Variants in PPM1E observed in about 807,000 individuals in gnomAD.
PPM1E encodes protein phosphatase 1E.
Under a neutral mutation model 65.9 loss-of-function variants are expected in PPM1E, and 20 were observed. The ratio of observed to expected loss-of-function variants is 0.30; its 90% CI spans 0.21 to 0.44. The LOEUF (loss-of-function observed/expected upper bound fraction) is 0.44, where lower values mean the gene tolerates loss of function less well. Among genes scored for constraint, PPM1E ranks in the 20% least tolerant of loss-of-function variants. PPM1E has a pLI of 1.00. For missense variants in PPM1E, 713 were observed against 953.1 expected (o/e 0.75, Z 3.32); for synonymous variants, 352 against 374.9 (o/e 0.94, Z 0.70).
chr17:58,783,531 G>A lies in PPM1E; in HGVS notation c.464+27070G>A, dbSNP rs139382036. Among the ~76,000 whole-genome samples the A allele has an allele frequency of 7.8e-4, 119 of 152,218 alleles. 1 individual carries two copies. The highest frequency in any genetic ancestry group is 2.6e-3 in the African/African-American group (106 of 41,528). Reference sequence around the variant, plus strand: ...AGGTACTACCTTTGAGAAAATTGGCGTATGTCCAAATGACAGCAGTATCAG... The same window carrying A: ...AGGTACTACCTTTGAGAAAATTGGCATATGTCCAAATGACAGCAGTATCAG... On this transcript the variant is annotated intron_variant, in intron 1 of 6. Transcript: ENST00000308249.
chr17:58,961,648 A>G (rs2143661109), intron 2 of PPM1E, among the ~76,000 whole-genome samples: 1 of 152,326 alleles, frequency 6.6e-6, no homozygotes, highest in African/African-American at 2.4e-5. Context: ...TAACCAAGTT[A>G]ATCTGTCTAT....
At chr17:58,806,040 G>A (rs190323733) in intron 1 of PPM1E, among the ~76,000 whole-genome samples, 18 of 143,486 alleles carry the variant, frequency 1.3e-4, no homozygotes, top group African/African-American at 4.4e-4. Context: ...CTTAATTGTA[G>A]TAAGTACTGT....
chr17:58,816,856 C>T (rs1255269277), intron 1 of PPM1E, among the ~76,000 whole-genome samples: 2 of 140,696 alleles, frequency 1.4e-5, no homozygotes, highest in South Asian at 2.3e-4. Context: ...AGTGCAGTGG[C>T]GCGATCTCAG....
chr17:58,856,262 G>A (rs1006273553), intron 1 of PPM1E, among the ~76,000 whole-genome samples: 3 of 151,720 alleles, frequency 2.0e-5, no homozygotes, highest in South Asian at 2.1e-4. Flanking sequence ...TTTTTGAGAT[G>A]GAGTTTTGCT....
chr17:58,802,996 C>T (rs1211102246), intron 1 of PPM1E, among the ~76,000 whole-genome samples: 1 of 152,082 alleles, frequency 6.6e-6, no homozygotes, highest in Non-Finnish European at 1.5e-5. Context: ...TTTACTTCCT[C>T]TTTTCTCATC....
chr17:58,907,941 A>G (rs1014288376), intron 1 of PPM1E, among the ~76,000 whole-genome samples: 3 of 152,084 alleles, frequency 2.0e-5, no homozygotes, highest in Admixed American at 1.3e-4. Flanking sequence ...CATTCTGACA[A>G]TCATTTAATT....
intron 1 of PPM1E, among the ~76,000 whole-genome samples, chr17:58,848,043 G>A (rs1430176263): frequency 6.6e-6 from 1 of 152,158 alleles, no homozygotes; most frequent in Admixed American, 6.5e-5. Flanking sequence ...TCGTGAATGG[G>A]AGTTCACTCA....
At chr17:58,828,043 A>ACC (rs1179703200) in intron 1 of PPM1E, among the ~76,000 whole-genome samples, 1 of 149,698 alleles carries the variant, frequency 6.7e-6, no homozygotes, top group Non-Finnish European at 1.5e-5. Flanking sequence ...ACATGGTGAA[A>ACC]CCCCGTGTCT....
rs374597312 is a variant in PPM1E, at chr17:58,817,836, C to G, written c.464+61375C>G. Among the ~76,000 whole-genome samples the G allele has an allele frequency of 2.9e-4, 44 of 152,118 alleles. 1 individual carries two copies. The East Asian group carries it at 7.6e-3, about 26-fold the overall frequency. Reference sequence around the variant, plus strand: ...GCACGATCTCCGCTCACTGCAAGCTCCGCCTCCTGAGTTCACGCCATTCTC... The same window carrying G: ...GCACGATCTCCGCTCACTGCAAGCTGCGCCTCCTGAGTTCACGCCATTCTC... On this transcript the variant is annotated intron_variant, in intron 1 of 6. Coordinates refer to ENST00000308249, the MANE Select transcript of PPM1E (RefSeq NM_014906.5).
chr17:58,930,278 C>CAG lies in PPM1E; in HGVS notation c.465-25370_465-25369insGA, dbSNP rs1567878194. ...ACACACACACACACACACACACACACACACACAGACACACACACACATATA... is the reference window on the plus strand; with the variant it reads ...ACACACACACACACACACACACACACAGACACACAGACACACACACACATATA... On this transcript the variant is annotated intron_variant, in intron 1 of 6. Coordinates refer to ENST00000308249, the MANE Select transcript of PPM1E (RefSeq NM_014906.5). Among the ~76,000 whole-genome samples the CAG allele has an allele frequency of 4.5e-4, 69 of 151,656 alleles. No individual in the cohort carries two copies. In the East Asian group the frequency reaches 7.8e-3, roughly 17 times the overall value.
chr17:58,773,544 T>C (rs16943211), intron 1 of PPM1E, among the ~76,000 whole-genome samples: 3,224 of 152,270 alleles, frequency 0.021, 105 homozygotes, highest in African/African-American at 0.073. Flanking sequence ...AGACATTTGG[T>C]AATTCCTTCC....
intron 1 of PPM1E, among the ~76,000 whole-genome samples, chr17:58,857,571 A>G (rs890138543): frequency 2.6e-5 from 4 of 152,160 alleles, no homozygotes; most frequent in African/African-American, 7.2e-5. Flanking sequence ...AGTACATGCC[A>G]TATAGTAAGG....
At chr17:58,765,708 TCTC>T (rs1241593382) in intron 1 of PPM1E, among the ~76,000 whole-genome samples, 1 of 151,946 alleles carries the variant, frequency 6.6e-6, no homozygotes, top group Non-Finnish European at 1.5e-5. Flanking sequence ...AAAAGAATAA[TCTC>T]CTGGTTAGAA....
intron 2 of PPM1E, among the ~76,000 whole-genome samples, chr17:58,956,800 A>G (rs1017959291): frequency 1.3e-5 from 2 of 152,214 alleles, no homozygotes; most frequent in Non-Finnish European, 2.9e-5. Context: ...TATTTAAAGC[A>G]TTTGCCTTTA....
intron 1 of PPM1E, among the ~76,000 whole-genome samples, chr17:58,950,864 C>T (rs997932236): frequency 1.2e-4 from 18 of 151,176 alleles, no homozygotes; most frequent in East Asian, 5.8e-4. Context: ...CTGCAAGCTC[C>T]GCCTCCTGGG....
intron 1 of PPM1E, among the ~76,000 whole-genome samples, chr17:58,839,654 C>G (rs1002807461): frequency 2.6e-5 from 4 of 151,956 alleles, no homozygotes; most frequent in Admixed American, 2.6e-4. Context: ...CCAGGTTTCT[C>G]ACTGTTGGAG....
rs59217561 is a variant in PPM1E at position 58,827,901 on chromosome 17, C to CAAA, written c.464+71450_464+71452dup. Among the ~76,000 whole-genome samples the CAAA allele has an allele frequency of 2.3e-3, 259 of 113,208 alleles. 1 individual carries two copies. Among genetic ancestry groups the CAAA allele is most frequent in the African/African-American group, 4.2e-3 (121 of 28,572 alleles). 74.3% of individuals were successfully genotyped at this position (113,208 alleles called of 152,430 possible). A position where few individuals can be genotyped will look rare whatever the true frequency, so the allele number is the denominator to read the frequency against. On this transcript the variant is annotated intron_variant, in intron 1 of 6. Transcript: ENST00000308249. ...TGGGCGACAGAGCGAGACTCCATCT[C>CAAA]AAAAAAAAAAAATAATAATAATAAT...
intron 1 of PPM1E, among the ~76,000 whole-genome samples, chr17:58,927,287 C>T (rs138416979): frequency 0.011 from 1,728 of 151,728 alleles, 14 homozygotes; most frequent in Middle Eastern, 0.041. Context: ...CCACCATGCC[C>T]GGCTAATTTT....
chr17:58,823,738 A>AT (rs201721461), intron 1 of PPM1E, among the ~76,000 whole-genome samples: 3 of 151,938 alleles, frequency 2.0e-5, no homozygotes, highest in Admixed American at 6.6e-5. Flanking sequence ...TTATTTATTT[A>AT]TTTATTTTTT....
Sources: allele counts gnomAD v4.1 joint callset (sites outside exome capture counted in the v4.1 genomes callset), GRCh38; gene constraint gnomAD v4.1.1; transcripts MANE v1.5; gene names NCBI Gene and HGNC (gene_info 2026-07-23, HGNC 2026-07-21).